Variants in CPD observed in about 807,000 individuals in gnomAD.
CPD encodes metallocarboxypeptidase D.
Under a neutral mutation model 138.3 loss-of-function variants are expected in CPD, and 69 were observed. The observed-to-expected ratio is 0.50, with a 90% CI of 0.41 to 0.61. The LOEUF is 0.61. Ranked by LOEUF, CPD falls within the 20% of genes least tolerant of loss-of-function variation. The probability of loss-of-function intolerance (pLI) is 0.00; values close to 1 mark genes in which losing one functional copy is unlikely to be tolerated. For missense variants in CPD, 1,432 were observed against 1,733.3 expected, an observed-to-expected ratio of 0.83 and a Z score of 3.09; for synonymous variants, 651 against 642.1, an observed-to-expected ratio of 1.01 and a Z score of -0.21.
Position 30,455,063 on chromosome 17 carries a change from A to G in CPD, c.3206-276A>G, listed in dbSNP as rs998135103. 4.0e-5 allele frequency: 9 copies of G among 223,068 alleles called. No individual in the cohort carries two copies. In the South Asian group the frequency reaches 6.8e-4, roughly 17 times the overall value. 13.8% of individuals were successfully genotyped at this position (223,068 alleles called of 1,614,324 possible). ...CCTAAATTATTTTGTAAAGCTGGATATGCTTATTCTTTTTGTTTTTTTAAT... is the reference window on the plus strand; with the variant it reads ...CCTAAATTATTTTGTAAAGCTGGATGTGCTTATTCTTTTTGTTTTTTTAAT... On this transcript the variant is annotated intron_variant, in intron 14 of 20. Coordinates refer to ENST00000225719, the MANE Select transcript of CPD (RefSeq NM_001304.5).
rs192322451 is a variant in CPD at position 30,410,839 on chromosome 17, A to G, written c.995-10002A>G. ...TTGTCAGTCTGTGTCTTTTAATTGG[A>G]GCATTTAGCCCATTTACATTTAAGG... On this transcript the variant is annotated intron_variant, in intron 2 of 20. Coordinates refer to ENST00000225719, the MANE Select transcript of CPD (RefSeq NM_001304.5). Among the ~76,000 whole-genome samples, 961 of 152,138 alleles carry G rather than the reference A, an allele frequency of 6.3e-3. 11 individuals carry two copies. Among genetic ancestry groups the G allele is most frequent in the African/African-American group, 0.022 (926 of 41,516 alleles).
At chr17:30,398,593 A>G (rs933239160) in intron 2 of CPD, among the ~76,000 whole-genome samples, 4 of 152,104 alleles carry the variant, frequency 2.6e-5, no homozygotes, top group Non-Finnish European at 5.9e-5. Context: ...GCTTTGGGTA[A>G]GTAGGTTTTG....
rs561931563 is a variant in CPD, at chr17:30,464,185, G to A, written c.3917-403G>A. ...GCAGGTGGATCACTTGAAGTCAGGA[G>A]TTCTAGACTAGCCTGGGCAACATGG... On this transcript the variant is annotated intron_variant, in intron 20 of 20. Coordinates refer to ENST00000225719, the MANE Select transcript of CPD (RefSeq NM_001304.5). 2.3e-4 allele frequency among the ~76,000 whole-genome samples: 35 copies of A among 152,176 alleles called. 1 individual carries two copies. The highest frequency in any genetic ancestry group is 2.2e-3 in the Admixed American group (33 of 15,278).
At chr17:30,424,042 A>G (rs1020682795) in intron 6 of CPD, among the ~76,000 whole-genome samples, 3 of 152,162 alleles carry the variant, frequency 2.0e-5, no homozygotes, top group Admixed American at 6.5e-5. Context: ...GCCAAATATG[A>G]GTGACCATGG....
intron 2 of CPD, among the ~76,000 whole-genome samples, chr17:30,405,069 A>C (rs1049688253): frequency 6.6e-6 from 1 of 152,176 alleles, no homozygotes; most frequent in African/African-American, 2.4e-5. Flanking sequence ...CAATCAATTT[A>C]GAAGTTTATT....
chr17:30,461,124 A>T, intron 17 of CPD, 56 bp from the exon 18 acceptor site: 1 of 1,393,836 alleles, frequency 7.2e-7, no homozygotes, highest in Non-Finnish European at 9.7e-7. Flanking sequence ...ACAAAGCCTT[A>T]TTCTTTCTTT....
In CPD at chr17:30,441,826, A is replaced by G. The variant is rs1178539321; in HGVS notation, c.2231-482A>G. Among the ~76,000 whole-genome samples the G allele has an allele frequency of 2.0e-5, 3 of 148,428 alleles. 1 individual carries two copies. The highest frequency in any genetic ancestry group is 7.4e-5 in the African/African-American group (3 of 40,294). On this transcript the variant is annotated intron_variant, in intron 9 of 20. Transcript: ENST00000225719. ...GATTCAGTTTGCCAGTATTTTATTGAGGATTTTTGCATCAATGTTCATCAA... is the reference window on the plus strand; with the variant it reads ...GATTCAGTTTGCCAGTATTTTATTGGGGATTTTTGCATCAATGTTCATCAA...
At chr17:30,442,228 C>G in intron 9 of CPD, 80 bp from the exon 10 acceptor site, 1 of 1,417,856 alleles carries the variant, frequency 7.1e-7, no homozygotes, top group Non-Finnish European at 9.6e-7. Flanking sequence ...TGGCTTTTTA[C>G]TAGGAATGTT....
chr17:30,421,710 C>T lies in CPD; in HGVS notation c.1184C>T (p.Ser395Phe). The T allele has an allele frequency of 6.2e-7, 1 of 1,613,690 alleles. No homozygotes were observed. Among genetic ancestry groups the T allele is most frequent in the Non-Finnish European group, 8.5e-7 (1 of 1,179,730 alleles). The change falls in exon 4 of 21, where the codon TCT (serine) becomes TTT (phenylalanine). Residue 395 changes from serine (S) to phenylalanine (F), a missense_variant. Ser to Phe is a radical substitution (Grantham distance 155). This residue lies in a region of CPD where 160 missense variants were observed against 197.9 expected (regional missense o/e 0.81). Coordinates refer to ENST00000225719, the MANE Select transcript of CPD (RefSeq NM_001304.5). ...TTTGTTAAAGATTCCATAACAGGAT[C>T]TGGGTTAGAGAATGCAACCATCTCA... ...KGFVKDSITG[S>F]GLENATISVA...
At chr17:30,395,301 T>A (rs1911473433) in intron 2 of CPD, among the ~76,000 whole-genome samples, 1 of 151,390 alleles carries the variant, frequency 6.6e-6, no homozygotes, top group Non-Finnish European at 1.5e-5. Context: ...AGCCTGATCA[T>A]ATTTTAAAGG....
At chr17:30,456,669 C>T (rs1913306859) in intron 17 of CPD, 143 bp downstream of exon 17, 1 of 670,644 alleles carries the variant, frequency 1.5e-6, no homozygotes, top group South Asian at 1.7e-5. Context: ...TGGTGAAACC[C>T]CATTTCTACT....
chr17:30,456,033 G>A (rs866426832), intron 15 of CPD: 1 of 517,680 alleles, frequency 1.9e-6, no homozygotes, highest in Middle Eastern at 5.2e-4. Flanking sequence ...GTGATAGTCT[G>A]TTGTGAAAAC....
At chr17:30,457,500 T>C (rs1286765036) in intron 17 of CPD, among the ~76,000 whole-genome samples, 1 of 152,168 alleles carries the variant, frequency 6.6e-6, no homozygotes, top group Non-Finnish European at 1.5e-5. Context: ...TTGGGGTAGA[T>C]ACCTAGGAGT....
intron 2 of CPD, among the ~76,000 whole-genome samples, chr17:30,418,798 GAGA>G (rs1912186316): frequency 6.6e-6 from 1 of 152,160 alleles, no homozygotes; most frequent in South Asian, 2.1e-4. Context: ...CTCCTGAGAT[GAGA>G]TGTCATGTCA....
In CPD at chr17:30,466,394, A is replaced by G. The variant is rs1913638486; in HGVS notation, c.*1580A>G. On this transcript the variant is annotated 3_prime_UTR_variant, in exon 21 of 21. Transcript: ENST00000225719. Reference sequence around the variant, plus strand: ...TGAGGAATGCATTCAAAGTGGCTTTATAAAAGAAGATTTTCTTTAGCAAGA... The same window carrying G: ...TGAGGAATGCATTCAAAGTGGCTTTGTAAAAGAAGATTTTCTTTAGCAAGA... 4 of 152,614 alleles carry G rather than the reference A, an allele frequency of 2.6e-5. No individual in the cohort carries two copies. 9.5% of individuals were successfully genotyped at this position (152,614 alleles called of 1,614,324 possible).
chr17:30,460,065 C>T (rs1913427435), intron 17 of CPD, among the ~76,000 whole-genome samples: 1 of 152,194 alleles, frequency 6.6e-6, no homozygotes, highest in South Asian at 2.1e-4. Context: ...AAGAGAGCAA[C>T]TCTCAGCAGG....
At chr17:30,436,038 G>A (rs1912691138) in intron 8 of CPD, among the ~76,000 whole-genome samples, 1 of 152,138 alleles carries the variant, frequency 6.6e-6, no homozygotes, top group African/African-American at 2.4e-5. Flanking sequence ...GATTACCTCT[G>A]TAAGGAACTT....
chr17:30,379,681 A>C lies in CPD; in HGVS notation c.701A>C (p.Glu234Ala). 6.6e-7 allele frequency: 1 copy of C among 1,518,060 alleles called. No individual in the cohort carries two copies. The highest frequency in any genetic ancestry group is 1.2e-5 in the South Asian group (1 of 81,094). The allele number at this position is 1,518,060 out of a possible 1,614,324, so 94.0% of individuals were successfully genotyped here. A position where few individuals can be genotyped will look rare whatever the true frequency, so the allele number is the denominator to read the frequency against. The change falls in exon 1 of 21, where the codon GAG (glutamate) becomes GCG (alanine). Residue 234 changes from glutamate to alanine, a missense_variant. Glu to Ala is a moderately radical substitution (Grantham distance 107). This residue lies in a region of CPD where 484 missense variants were observed against 477.2 expected (regional missense o/e 1.01). Coordinates refer to ENST00000225719, the MANE Select transcript of CPD (RefSeq NM_001304.5). This position sits in a 1 kb window ranked among gnomAD's most constrained non-coding sequence, Gnocchi z 7.0. Reference sequence around the variant, plus strand: ...ACCGGCGAACCCCCCGCCCTGGACGAGGTGCCCGAGGTGCGCGCCCTCATC... The same window carrying C: ...ACCGGCGAACCCCCCGCCCTGGACGCGGTGCCCGAGGTGCGCGCCCTCATC... Reference protein sequence around the residue: ...FSTGEPPALDEVPEVRALIEW... With the variant: ...FSTGEPPALDAVPEVRALIEW...
intron 2 of CPD, among the ~76,000 whole-genome samples, chr17:30,394,893 A>ATGTG (rs1204444829): frequency 9.4e-5 from 10 of 106,414 alleles, no homozygotes; most frequent in East Asian, 3.2e-4. Context: ...GCGAGTGAGC[A>ATGTG]TGTGTGTATG....
Sources: allele counts gnomAD v4.1 joint callset (sites outside exome capture counted in the v4.1 genomes callset), GRCh38; gene constraint gnomAD v4.1.1; regional missense constraint gnomAD v4.1.1; non-coding constraint Gnocchi (gnomAD v3.1); transcripts MANE v1.5; gene names NCBI Gene and HGNC (gene_info 2026-07-23, HGNC 2026-07-21).